Variants in PDE1A observed in about 807,000 individuals in gnomAD.
The protein encoded by PDE1A is phosphodiesterase 1A.
In PDE1A, 35 loss-of-function variants were observed where a neutral mutation model predicts 61.7. The observed-to-expected ratio is 0.57, with a 90% confidence interval of 0.43 to 0.75. PDE1A has a LOEUF of 0.75. Ranked by LOEUF, PDE1A falls within the 30% of genes least tolerant of loss-of-function variation. The probability of loss-of-function intolerance (pLI) is 0.00; values close to 1 mark genes in which losing one functional copy is unlikely to be tolerated. For synonymous variants in PDE1A, 232 were observed against 213.2 expected (o/e 1.09, Z -0.77); for missense variants, 597 against 630.6 (o/e 0.95, Z 0.57).
intron 1 of PDE1A, among the ~76,000 whole-genome samples, chr2:182,280,413 G>A (rs570244933): frequency 1.3e-5 from 2 of 151,944 alleles, no homozygotes; most frequent in South Asian, 4.2e-4. Context: ...CCTCACTTCT[G>A]AATTTTCTTC....
the PDE1A span, among the ~76,000 whole-genome samples, chr2:182,548,411 C>A: frequency 6.6e-6 from 1 of 152,124 alleles, no homozygotes; most frequent in African/African-American, 2.4e-5. Context: ...AGGATACGAC[C>A]AAGCAAAATG....
chr2:182,707,780 T>G, the PDE1A span, among the ~76,000 whole-genome samples: 1 of 152,062 alleles, frequency 6.6e-6, no homozygotes, highest in Non-Finnish European at 1.5e-5. Context: ...ATTTTATGAG[T>G]CCAGCATTAC....
chr2:182,419,070 G>GAA (rs35927091), intron 1 of PDE1A, among the ~76,000 whole-genome samples: 41 of 133,412 alleles, frequency 3.1e-4, no homozygotes, highest in African/African-American at 1.0e-3. Flanking sequence ...CACTAAAAGA[G>GAA]AAAAAAAAAA....
chr2:182,556,086 A>G, the PDE1A span, among the ~76,000 whole-genome samples: 1 of 152,244 alleles, frequency 6.6e-6, no homozygotes, highest in African/African-American at 2.4e-5. Context: ...AGGGAAACAA[A>G]AAAACTCATT....
the PDE1A span, among the ~76,000 whole-genome samples, chr2:182,578,492 G>A: frequency 1.3e-5 from 2 of 152,034 alleles, no homozygotes; most frequent in Non-Finnish European, 2.9e-5. Context: ...AATGTGACCT[G>A]GCAACATCTA....
the PDE1A span, among the ~76,000 whole-genome samples, chr2:182,590,587 G>T: frequency 6.6e-6 from 1 of 152,122 alleles, no homozygotes; most frequent in Non-Finnish European, 1.5e-5. Flanking sequence ...AGTTGAGAGG[G>T]ATCAGTTCTA....
intron 1 of PDE1A, among the ~76,000 whole-genome samples, chr2:182,328,918 T>C (rs1233415207): frequency 6.6e-6 from 1 of 152,198 alleles, no homozygotes; most frequent in Non-Finnish European, 1.5e-5. Context: ...CTGGGCTTTA[T>C]GGAAGGGTTT....
chr2:182,408,653 A>G (rs1177271595), intron 1 of PDE1A, among the ~76,000 whole-genome samples: 2 of 152,150 alleles, frequency 1.3e-5, no homozygotes, highest in Non-Finnish European at 2.9e-5. Context: ...TGTCTTCTGC[A>G]CCACCAACTT....
At chr2:182,524,810 A>G (rs1690751111), upstream of PDE1A, among the ~76,000 whole-genome samples, 1 of 151,942 alleles carries the variant, frequency 6.6e-6, no homozygotes, top group African/African-American at 2.4e-5. Context: ...AAAATGATCC[A>G]ATTTGTATGT....
chr2:182,625,188 A>G, the PDE1A span, among the ~76,000 whole-genome samples: 3 of 152,318 alleles, frequency 2.0e-5, no homozygotes, highest in East Asian at 5.8e-4. Context: ...GATCCTGACC[A>G]TGCCAGTAGC....
intron 1 of PDE1A, among the ~76,000 whole-genome samples, chr2:182,383,290 G>A (rs1294961004): frequency 2.6e-5 from 4 of 151,978 alleles, no homozygotes; most frequent in Admixed American, 2.6e-4. Context: ...ATTCTCAAGT[G>A]CTTCTTATCT....
chr2:182,592,997 A>C, the PDE1A span, among the ~76,000 whole-genome samples: 1 of 152,184 alleles, frequency 6.6e-6, no homozygotes, highest in Non-Finnish European at 1.5e-5. Flanking sequence ...AAGGAGGTTC[A>C]GTTGACCCTC....
chr2:182,593,852 T>C, the PDE1A span, among the ~76,000 whole-genome samples: 1 of 152,200 alleles, frequency 6.6e-6, no homozygotes, highest in Admixed American at 6.5e-5. Context: ...CAAGTCTTTA[T>C]GCAGAAAAAC....
the PDE1A span, among the ~76,000 whole-genome samples, chr2:182,684,000 G>A: frequency 6.6e-6 from 1 of 151,782 alleles, no homozygotes; most frequent in African/African-American, 2.4e-5. Context: ...GCGCATGCCT[G>A]TAATCCCAGA....
At chr2:182,686,291 C>T in the PDE1A span, among the ~76,000 whole-genome samples, 1 of 152,160 alleles carries the variant, frequency 6.6e-6, no homozygotes. Context: ...TAGGGTTAAA[C>T]TATCTTTCAA....
At chr2:182,178,286 G>T (rs1283475692) in intron 13 of PDE1A, among the ~76,000 whole-genome samples, 2 of 152,116 alleles carry the variant, frequency 1.3e-5, no homozygotes, top group Non-Finnish European at 2.9e-5. Context: ...AGGAGATCCA[G>T]GTTTCTCACT....
At chr2:182,245,091 T>C (rs1690850677) in intron 2 of PDE1A, among the ~76,000 whole-genome samples, 2 of 152,158 alleles carry the variant, frequency 1.3e-5, no homozygotes, top group African/African-American at 4.8e-5. Flanking sequence ...CCTCAAGAAG[T>C]TTTTAATTTT....
chr2:182,410,932 G>C (rs990356261), intron 1 of PDE1A, among the ~76,000 whole-genome samples: 1 of 152,106 alleles, frequency 6.6e-6, no homozygotes, highest in African/African-American at 2.4e-5. Context: ...ATTTGTAATT[G>C]GTTAATTTGG....
At chr2:182,522,206 A>G (rs1231266926) in intron 2 of PDE1A, 1 of 1,298,606 alleles carries the variant, frequency 7.7e-7, no homozygotes, top group African/African-American at 1.5e-5. Context: ...AAAGGCGGAT[A>G]GCACCAACAA....
Sources: gnomAD v4.1 joint callset for allele counts (sites outside exome capture counted in the v4.1 genomes callset) on GRCh38, gnomAD v4.1.1 for gene constraint, MANE v1.5 for transcripts, NCBI Gene and HGNC (gene_info 2026-07-23, HGNC 2026-07-21) for gene names.